FHL2: variants seen among roughly 807,000 people sequenced by gnomAD.
FHL2 encodes four and a half LIM domains protein 2.
FHL2 carries 20 observed loss-of-function variants against 32.7 expected under a neutral mutation model. The observed-to-expected ratio is 0.61, with a 90% CI of 0.43 to 0.89. The LOEUF (loss-of-function observed/expected upper bound fraction) is 0.89, where lower values mean the gene tolerates loss of function less well. FHL2 is among the 40% of genes least tolerant of loss of function. The pLI is 0.00. For synonymous variants in FHL2, 123 were observed against 128.1 expected (o/e 0.96, Z 0.27); for missense variants, 311 against 358.6 (o/e 0.87, Z 1.07).
intron 1 of FHL2, among the ~76,000 whole-genome samples, chr2:105,425,018 A>G (rs1684216277): frequency 6.6e-6 from 1 of 151,932 alleles, no homozygotes; most frequent in Admixed American, 6.6e-5. Context: ...CTTAAAGTAT[A>G]TATATATTGT....
upstream of FHL2, chr2:105,399,603 C>T: frequency 2.4e-5 from 36 of 1,530,916 alleles, no homozygotes; most frequent in Non-Finnish European, 3.1e-5. Flanking sequence ...CCCCACCTCT[C>T]CCTCTCGGGG....
chr2:105,431,117 C>T (rs1684419351), intron 1 of FHL2, among the ~76,000 whole-genome samples: 1 of 152,146 alleles, frequency 6.6e-6, no homozygotes. Flanking sequence ...ATAACATTTC[C>T]CCTCTACAAT....
At chr2:105,436,307 G>A (rs1390288756) in intron 1 of FHL2, among the ~76,000 whole-genome samples, 1 of 152,038 alleles carries the variant, frequency 6.6e-6, no homozygotes, top group Non-Finnish European at 1.5e-5. Context: ...TAGTGTAGAA[G>A]TCAATTACCA....
At chr2:105,372,449 A>C (rs1452116222) in intron 4 of FHL2, among the ~76,000 whole-genome samples, 1 of 151,964 alleles carries the variant, frequency 6.6e-6, no homozygotes, top group East Asian at 1.9e-4. Flanking sequence ...CTGGTCTCAA[A>C]CTCCTGACCT....
At chr2:105,396,984 A>T in intron 1 of FHL2, 1 of 269,470 alleles carries the variant, frequency 3.7e-6, no homozygotes, top group Non-Finnish European at 6.8e-6. Context: ...ACAGGACAGG[A>T]GTAAACTACT....
At chr2:105,412,939 G>A (rs537401173) in intron 1 of FHL2, among the ~76,000 whole-genome samples, 2 of 152,302 alleles carry the variant, frequency 1.3e-5, no homozygotes, top group Non-Finnish European at 2.9e-5. Context: ...AGACGGTGAT[G>A]TAAGAGGTCT....
chr2:105,432,175 C>T (rs1017756487), intron 1 of FHL2, among the ~76,000 whole-genome samples: 2 of 152,174 alleles, frequency 1.3e-5, no homozygotes, highest in Middle Eastern at 3.2e-3. Context: ...CTTATTTCTC[C>T]CCTCACTTGG....
At chr2:105,430,526 G>T (rs1351230081) in intron 1 of FHL2, among the ~76,000 whole-genome samples, 1 of 152,114 alleles carries the variant, frequency 6.6e-6, no homozygotes, top group African/African-American at 2.4e-5. Context: ...AAATTAGCTG[G>T]GTGTGGTGGT....
chr2:105,378,355 C>A (rs1014604556), intron 3 of FHL2: 2 of 372,962 alleles, frequency 5.4e-6, no homozygotes, highest in Non-Finnish European at 1.1e-5. Flanking sequence ...CCTGTCCCCC[C>A]ACACCCTGCT....
chr2:105,390,404 A>G (rs1167845112), intron 2 of FHL2, among the ~76,000 whole-genome samples: 2 of 152,192 alleles, frequency 1.3e-5, no homozygotes, highest in African/African-American at 4.8e-5. Context: ...AGCAGCTGCT[A>G]TCTGCTCAGT....
At chr2:105,399,328 G>A (rs1458242946), upstream of FHL2, 3 of 1,535,772 alleles carry the variant, frequency 2.0e-6, no homozygotes, top group African/African-American at 1.4e-5. Context: ...AGTTTCGGAC[G>A]AGGCCTGGGC....
chr2:105,365,560 C>A (rs2104496545), intron 5 of FHL2, among the ~76,000 whole-genome samples: 1 of 151,212 alleles, frequency 6.6e-6, no homozygotes, highest in African/African-American at 2.4e-5. Flanking sequence ...GGGGAGAGAA[C>A]AGGGAAGAGG....
chr2:105,418,458 A>G (rs1684000151), intron 1 of FHL2, among the ~76,000 whole-genome samples: 1 of 152,186 alleles, frequency 6.6e-6, no homozygotes. Context: ...ACCCATTTTA[A>G]TCTCATAAGT....
rs149107151 is a variant in FHL2, at chr2:105,397,829, A to G, written c.-76+1013T>C. ...GGTTTTATTAAAGTTTAATTGATAG[A>G]CTAGGAATTCCTGTACTTCTAAGAC... On this transcript the variant is annotated intron_variant, in intron 1 of 6. Transcript: ENST00000530340. 6.2e-3 allele frequency among the ~76,000 whole-genome samples: 940 copies of G among 151,518 alleles called. 19 individuals carry two copies. Among genetic ancestry groups the G allele is most frequent in the Admixed American group, 0.049 (745 of 15,246 alleles).
rs182035608 is a variant in FHL2, at chr2:105,366,035, G to A, written c.501+1535C>T. ...AGCCTGGCCAACATGTTGAAACCCC[G>A]TCTGTACTAAAAATACAAAAAAAAC... is the stretch of plus-strand genomic sequence containing the variant. On this transcript the variant is annotated intron_variant, in intron 5 of 6. Coordinates refer to ENST00000530340, the MANE Select transcript of FHL2 (RefSeq NM_001318895.3). Among the ~76,000 whole-genome samples the A allele has an allele frequency of 1.5e-4, 23 of 151,356 alleles. No homozygotes were observed. The East Asian group carries it at 3.3e-3, about 22-fold the overall frequency.
intron 4 of FHL2, among the ~76,000 whole-genome samples, chr2:105,372,428 T>C (rs140217141): frequency 0.011 from 1,601 of 152,232 alleles, 20 homozygotes; most frequent in African/African-American, 0.036. Flanking sequence ...CGTTTTACCA[T>C]GTTAGCCTGG....
intron 1 of FHL2, among the ~76,000 whole-genome samples, chr2:105,426,804 G>A (rs1395907924): frequency 6.6e-6 from 1 of 152,250 alleles, no homozygotes; most frequent in South Asian, 2.1e-4. Context: ...TGCAGATGCT[G>A]CCGAGGAGGT....
chr2:105,417,968 A>T (rs1400583570), intron 1 of FHL2, among the ~76,000 whole-genome samples: 1 of 152,196 alleles, frequency 6.6e-6, no homozygotes, highest in Non-Finnish European at 1.5e-5. Context: ...GATGAGTCAT[A>T]TCTTAATAGT....
intron 1 of FHL2, chr2:105,438,277 C>T: frequency 1.2e-6 from 1 of 832,976 alleles, no homozygotes; most frequent in Non-Finnish European, 1.4e-6. Context: ...TGCCTGAGAG[C>T]TTCCTCCCAG....
Sources: allele counts gnomAD v4.1 joint callset (sites outside exome capture counted in the v4.1 genomes callset), GRCh38; gene constraint gnomAD v4.1.1; transcripts MANE v1.5; gene names NCBI Gene and HGNC (gene_info 2026-07-23, HGNC 2026-07-21).